Variants in TSC1 observed in about 807,000 individuals in gnomAD.
TSC1 encodes the protein TSC complex subunit 1.
In TSC1, 20 loss-of-function variants were observed where a neutral mutation model predicts 124.3. That is an observed-to-expected ratio of 0.16 (90% CI 0.11 to 0.23). The LOEUF is 0.23. Ranked by LOEUF, TSC1 falls within the 10% of genes least tolerant of loss-of-function variation. The probability of loss-of-function intolerance (pLI) is 1.00; values close to 1 mark genes in which losing one functional copy is unlikely to be tolerated. For missense variants in TSC1, 1,124 were observed against 1,448.5 expected, an observed-to-expected ratio of 0.78 and a Z score of 3.64; for synonymous variants, 493 against 539.1, an observed-to-expected ratio of 0.91 and a Z score of 1.19.
Position 132,906,957 on chromosome 9 carries a change from G to C in TSC1, c.1334-122C>G, listed in dbSNP as rs1845706216. On this transcript the variant is annotated intron_variant, in intron 13 of 22. Transcript: ENST00000298552. This position sits in a 1 kb window ranked among gnomAD's most constrained non-coding sequence, Gnocchi z 4.1. ...TCTTCATGCTGAACAGAGAAGGCTG[G>C]ACATGGCTCTGTCCTGGGGATACTA... The C allele has an allele frequency of 4.9e-6, 4 of 815,988 alleles. No homozygotes were observed. The highest frequency in any genetic ancestry group is 1.4e-5 in the South Asian group (1 of 69,486). The allele number at this position is 815,988 out of a possible 1,614,324, so 50.5% of individuals were successfully genotyped here. A position where few individuals can be genotyped will look rare whatever the true frequency, so the allele number is the denominator to read the frequency against.
rs1387723786 is a variant in TSC1 at position 132,921,698 on chromosome 9, C to T, written c.663+121G>A. ...AGTGGCTGCCTAGGGATTGGAGTGG[C>T]GAGGAAGAAAACTGAATTTCTTTTC... On this transcript the variant is annotated intron_variant, in intron 7 of 22. Transcript: ENST00000298552. This position sits in a 1 kb window ranked among gnomAD's most constrained non-coding sequence, Gnocchi z 4.3. The T allele has an allele frequency of 1.7e-5, 23 of 1,353,676 alleles. No homozygotes were observed. The highest frequency in any genetic ancestry group is 2.2e-5 in the Non-Finnish European group (21 of 955,506). 83.9% of individuals were successfully genotyped at this position (1,353,676 alleles called of 1,614,324 possible).
At chr9:132,922,872 GA>G (rs543220345) in intron 6 of TSC1, among the ~76,000 whole-genome samples, 30 of 144,514 alleles carry the variant, frequency 2.1e-4, no homozygotes, top group African/African-American at 3.0e-4. Context: ...GCCGATAGGG[GA>G]AAAAAAAAAA....
At chr9:132,941,531 A>T (rs935050867) in intron 1 of TSC1, 3 of 152,238 alleles carry the variant, frequency 2.0e-5, no homozygotes, top group Admixed American at 1.3e-4. Context: ...TTGAGTGTAT[A>T]CTACATATAC....
Position 132,903,795 on chromosome 9 carries a change from G to C in TSC1, c.2064C>G (p.Ile688Met), listed in dbSNP as rs878853963. The C allele has an allele frequency of 6.2e-7, 1 of 1,613,984 alleles. No individual in the cohort carries two copies. The highest frequency in any genetic ancestry group is 1.1e-5 in the South Asian group (1 of 91,066). The change falls in exon 17 of 23, where the codon ATC becomes ATG. Residue 688 changes from isoleucine to methionine, a missense_variant. Transcript: ENST00000298552. The surrounding 1 kb of genome is among the most constrained non-coding windows in gnomAD (Gnocchi z 5.9). ...HFGGSPPSDEIRTLRDQLLLL... is the reference protein window; with the variant it reads ...HFGGSPPSDEMRTLRDQLLLL... ...AAAGCAACTGGTCTCGGAGGGTGCGGATCTCATCTGAAGGAGGAGAGCCTG... is the reference window on the plus strand; with the variant it reads ...AAAGCAACTGGTCTCGGAGGGTGCGCATCTCATCTGAAGGAGGAGAGCCTG...
intron 19 of TSC1, among the ~76,000 whole-genome samples, 164 bp downstream of exon 19, chr9:132,901,425 T>A (rs1362943780): frequency 3.3e-5 from 5 of 152,158 alleles, no homozygotes; most frequent in African/African-American, 1.2e-4. Flanking sequence ...CTAAAATGTC[T>A]CCAGACATTG....
intron 19 of TSC1, 34 bp from the exon 20 acceptor site, chr9:132,900,871 G>A (rs780696523): frequency 6.2e-6 from 10 of 1,613,332 alleles, no homozygotes; most frequent in Admixed American, 5.0e-5. Flanking sequence ...TGAAAAATCC[G>A]ACGACATAAA....
chr9:132,929,738 C>T (rs1163594125), intron 2 of TSC1, among the ~76,000 whole-genome samples: 2 of 152,088 alleles, frequency 1.3e-5, no homozygotes, highest in Non-Finnish European at 2.9e-5. Flanking sequence ...AAGCACTGTA[C>T]ACCTTTCACA....
intron 9 of TSC1, 119 bp downstream of exon 9, chr9:132,912,163 T>G (rs1845998200): frequency 8.2e-7 from 1 of 1,218,784 alleles, no homozygotes; most frequent in South Asian, 1.3e-5. Flanking sequence ...TAAGATATTT[T>G]GGGAAAAATC....
chr9:132,939,661 T>C (rs944629970), intron 1 of TSC1, among the ~76,000 whole-genome samples: 2 of 152,224 alleles, frequency 1.3e-5, no homozygotes, highest in African/African-American at 4.8e-5. Context: ...ACAGATACCA[T>C]GTATATTTCA....
At chr9:132,924,106 T>C (rs1480248851) in intron 5 of TSC1, among the ~76,000 whole-genome samples, 1 of 152,102 alleles carries the variant, frequency 6.6e-6, no homozygotes, top group Non-Finnish European at 1.5e-5. Flanking sequence ...AGTTTAAATA[T>C]TAAGTCAAAT....
At chr9:132,940,843 C>T (rs1280325346) in intron 1 of TSC1, 1 of 152,184 alleles carries the variant, frequency 6.6e-6, no homozygotes, top group Non-Finnish European at 1.5e-5. Context: ...GTATTTGAAA[C>T]ATTGATACAA....
chr9:132,944,439 G>A (rs1847957261), intron 1 of TSC1, 104 bp downstream of exon 1: 1 of 397,076 alleles, frequency 2.5e-6, no homozygotes, highest in East Asian at 3.6e-5. Context: ...AAGCAAGTGA[G>A]TCTCTTGCTC....
At chr9:132,927,334 C>T (rs1846933221) in intron 3 of TSC1, 30 bp from the exon 4 acceptor site, 2 of 1,592,668 alleles carry the variant, frequency 1.3e-6, no homozygotes, top group Non-Finnish European at 1.7e-6. Context: ...ATGGATGATA[C>T]TTATTCCCCT....
Position 132,903,582 on chromosome 9 carries a change from T to C in TSC1, c.2208+69A>G. On this transcript the variant is annotated intron_variant, in intron 17 of 22. Transcript: ENST00000298552. The surrounding 1 kb of genome is among the most constrained non-coding windows in gnomAD (Gnocchi z 5.9). ...TCTGACCTCCTCGGCTGCTGTGCTT[T>C]ATAAGCTATCATGCTGACCCAAAAC... The C allele has an allele frequency of 6.2e-7, 1 of 1,610,042 alleles. No homozygotes were observed. The highest frequency in any genetic ancestry group is 1.1e-5 in the South Asian group (1 of 90,706).
rs563835484 is a variant in TSC1, at chr9:132,892,247, C to T, written c.*3988G>A. On this transcript the variant is annotated 3_prime_UTR_variant, in exon 23 of 23. Transcript: ENST00000298552. ...CCTAGGGGCCAGTCCTCGACCTAAA[C>T]TTGTTCTTTCACCTACAGACAAAAG... 6.4e-4 allele frequency: 150 copies of T among 233,402 alleles called. 1 individual carries two copies. In the South Asian group the frequency reaches 6.5e-3, roughly 10 times the overall value. The allele number at this position is 233,402 out of a possible 1,614,324, so 14.5% of individuals were successfully genotyped here.
At position 132,912,293 on chromosome 9, in the gene TSC1, T is replaced by A. The variant is rs1389512342; in HGVS notation, c.902A>T (p.Gln301Leu). The A allele has an allele frequency of 1.2e-6, 2 of 1,614,064 alleles. No individual in the cohort carries two copies. Among genetic ancestry groups the A allele is most frequent in the Non-Finnish European group, 1.7e-6 (2 of 1,180,022 alleles). The change falls in exon 9 of 23, where the codon CAG becomes CTG. Residue 301 changes from glutamine (Q) to leucine (L), a missense_variant. By Grantham distance (113) the Gln-to-Leu change is moderately radical (BLOSUM62 -2). Around this residue, in one of 5 missense-constraint regions of TSC1, gnomAD observed 463 missense variants for 606.8 expected, o/e 0.76. Transcript: ENST00000298552. ...DVTTSPYADT[Q>L]NSYGCATSTP... ...AAGACACTTTTTACCATAGCTATTC[T>A]GTGTGTCAGCATAAGGGCTGGTGGT...
chr9:132,940,260 T>A (rs1231718140), intron 1 of TSC1, among the ~76,000 whole-genome samples: 2 of 152,090 alleles, frequency 1.3e-5, no homozygotes, highest in African/African-American at 2.4e-5. Flanking sequence ...AAAAGTTTTT[T>A]AATAAAGCCT....
chr9:132,896,210 G>C lies in TSC1; in HGVS notation c.*25C>G. 6.2e-7 allele frequency: 1 copy of C among 1,614,142 alleles called. No individual in the cohort carries two copies. The highest frequency in any genetic ancestry group is 8.5e-7 in the Non-Finnish European group (1 of 1,180,040). On this transcript the variant is annotated 3_prime_UTR_variant, in exon 23 of 23. Transcript: ENST00000298552. The surrounding 1 kb of genome is among the most constrained non-coding windows in gnomAD (Gnocchi z 4.5). ...CCTGTTCTGTGCCAACAATATGCAA[G>C]TTAACACTGATTGACCATCATTCCT...
At chr9:132,911,836 T>C (rs924839875) in intron 9 of TSC1, among the ~76,000 whole-genome samples, 3 of 152,046 alleles carry the variant, frequency 2.0e-5, no homozygotes, top group Admixed American at 6.6e-5. Flanking sequence ...AAAAGCACAA[T>C]ACAGATGACA....
Sources: allele counts gnomAD v4.1 joint callset (sites outside exome capture counted in the v4.1 genomes callset), GRCh38; gene constraint gnomAD v4.1.1; regional missense constraint gnomAD v4.1.1; non-coding constraint Gnocchi (gnomAD v3.1); transcripts MANE v1.5; gene names NCBI Gene and HGNC (gene_info 2026-07-23, HGNC 2026-07-21).